Variants in SYNM observed in about 807,000 individuals in gnomAD.
SYNM encodes the protein desmuslin.
A neutral mutation model predicts 104.0 loss-of-function variants in SYNM; 95 were observed. The ratio of observed to expected loss-of-function variants is 0.91; its 90% CI spans 0.77 to 1.08. SYNM has a LOEUF of 1.08. SYNM is among the 50% of genes least tolerant of loss of function. The pLI is 0.00. For missense variants in SYNM, 2,150 were observed against 2,052.2 expected, an observed-to-expected ratio of 1.05 and a Z score of -0.92; for synonymous variants, 918 against 869.0, an observed-to-expected ratio of 1.06 and a Z score of -0.99.
chr15:99,115,904 T>TA (rs1166673295), intron 2 of SYNM, among the ~76,000 whole-genome samples: 1 of 152,248 alleles, frequency 6.6e-6, no homozygotes, highest in African/African-American at 2.4e-5. Flanking sequence ...CTGGAAGACT[T>TA]ACATCAGCCA....
chr15:99,119,579 G>A (rs550342729), intron 2 of SYNM, among the ~76,000 whole-genome samples: 6 of 152,258 alleles, frequency 3.9e-5, no homozygotes, highest in South Asian at 2.1e-4. Context: ...AGTTGCATGC[G>A]GCAGTCCCCT....
In SYNM at chr15:99,114,351, G is replaced by A. The variant is rs1399551224; in HGVS notation, c.935+636G>A. 4.6e-5 allele frequency among the ~76,000 whole-genome samples: 7 copies of A among 152,022 alleles called. No individual in the cohort carries two copies. The East Asian group carries it at 9.7e-4, about 21-fold the overall frequency. ...ACTCACTCCCTATCATGAGAACAGC[G>A]TGGGGAAAATTGCTCCCATGATCCA... On this transcript the variant is annotated intron_variant, in intron 2 of 3. Transcript: ENST00000336292.
chr15:99,131,560 G>C lies in SYNM; in HGVS notation c.3200G>C (p.Arg1067Pro), dbSNP rs5030698. Reference sequence around the variant, plus strand: ...CCGGCTGCTGGCATTCGCTTTAGGCGTTGGGCCACCCGGGAGCTGTACATC... The same window carrying C: ...CCGGCTGCTGGCATTCGCTTTAGGCCTTGGGCCACCCGGGAGCTGTACATC... ...EAPAAGIRFR[R>P]WATRELYIPS... The change falls in exon 4 of 4, where the codon CGT becomes CCT. Residue 1067 changes from arginine (R) to proline (P), a missense_variant. Coordinates refer to ENST00000336292, the MANE Select transcript of SYNM (RefSeq NM_145728.3). This position sits in a 1 kb window ranked among gnomAD's most constrained non-coding sequence, Gnocchi z 4.3. The C allele has an allele frequency of 0.06, 95,764 of 1,608,826 alleles. 3,131 individuals are homozygous for C. Among genetic ancestry groups the C allele is most frequent in the Non-Finnish European group, 0.065 (76,186 of 1,179,586 alleles).
downstream of SYNM, chr15:99,135,655 TA>T (rs2067565017): frequency 6.6e-6 from 1 of 152,560 alleles, no homozygotes; most frequent in African/African-American, 2.4e-5. Context: ...AAACTCTAAG[TA>T]AAGAATCTGT....
intron 1 of SYNM, among the ~76,000 whole-genome samples, chr15:99,110,275 C>T (rs538771419): frequency 4.5e-4 from 69 of 152,306 alleles, no homozygotes; most frequent in Non-Finnish European, 6.6e-4. Flanking sequence ...AAATGCTCAA[C>T]GGCTGGTAGT....
At position 99,105,089 on chromosome 15, in the gene SYNM, G is replaced by C; in HGVS notation, c.-111G>C. On this transcript the variant is annotated 5_prime_UTR_variant, in exon 1 of 4. Transcript: ENST00000336292. ...CTCCCGCTCGCGTCCCAGTCTGCGG[G>C]CCTCCGGGGCAGCGGCGAGGCCGGA... 1 of 1,267,044 alleles carries C rather than the reference G, an allele frequency of 7.9e-7. No individual in the cohort carries two copies. Among genetic ancestry groups the C allele is most frequent in the Non-Finnish European group, 1.1e-6 (1 of 939,598 alleles). The allele number at this position is 1,267,044 out of a possible 1,614,324, so 78.5% of individuals were successfully genotyped here. A position where few individuals can be genotyped will look rare whatever the true frequency, so the allele number is the denominator to read the frequency against.
intron 2 of SYNM, among the ~76,000 whole-genome samples, chr15:99,118,741 C>A (rs907251469): frequency 6.6e-6 from 1 of 152,138 alleles, no homozygotes; most frequent in Non-Finnish European, 1.5e-5. Context: ...TAAAACAAAG[C>A]AAACCTCCAA....
Position 99,113,697 on chromosome 15 carries a change from T to G in SYNM, c.917T>G (p.Leu306Arg). The part of the protein sequence containing the change: ...DLLQVKTGLS[L>R]EVATYRALLE... ...CTGCAGGTGAAGACCGGCCTCAGTC[T>G]GGAGGTGGCGACCTACCGGTAAGGA... Residue 306 changes from leucine to arginine, a missense_variant, in exon 2 of 4, where the codon CTG becomes CGG. Transcript: ENST00000336292. 6.2e-7 allele frequency: 1 copy of G among 1,613,484 alleles called. No individual in the cohort carries two copies. The highest frequency in any genetic ancestry group is 8.5e-7 in the Non-Finnish European group (1 of 1,179,692).
downstream of SYNM, chr15:99,139,625 ACTAT>A: frequency 6.6e-7 from 1 of 1,513,920 alleles, no homozygotes; most frequent in Non-Finnish European, 8.9e-7. Flanking sequence ...ACTCTCTGTG[ACTAT>A]CTGTATGCAA....
In SYNM at chr15:99,131,215, T is replaced by C. The variant is rs374434761; in HGVS notation, c.2855T>C (p.Val952Ala). The part of the protein sequence containing the change: ...SKEPRQQLVE[V>A]IGQLEETLPE... ...GAGCCCCGGCAGCAGCTGGTGGAGG[T>C]CATCGGGCAGCTGGAGGAAACCCTT... Residue 952 changes from valine (V) to alanine (A), a missense_variant, in exon 4 of 4, where the codon GTC becomes GCC. Physicochemically the swap from Val to Ala is moderately conservative, Grantham distance 64. Coordinates refer to ENST00000336292, the MANE Select transcript of SYNM (RefSeq NM_145728.3). This position sits in a 1 kb window ranked among gnomAD's most constrained non-coding sequence, Gnocchi z 4.3. 1 of 1,608,596 alleles carries C rather than the reference T, an allele frequency of 6.2e-7. No homozygotes were observed. Among genetic ancestry groups the C allele is most frequent in the African/African-American group, 1.3e-5 (1 of 74,852 alleles).
Position 99,130,487 on chromosome 15 carries a change from C to G in SYNM, c.2127C>G (p.Ser709Arg), listed in dbSNP as rs185740384. ...AAGCTGGCCTGGACTACCTTTTAAG[C>G]AAGGATATTAAGGAAGTGGGGCTGA... ...SDEAGLDYLL[S>R]KDIKEVGLKG... Residue 709 changes from serine (S) to arginine (R), a missense_variant, in exon 4 of 4, where the codon AGC (serine) becomes AGG (arginine). Transcript: ENST00000336292. The G allele has an allele frequency of 6.2e-7, 1 of 1,613,780 alleles. No individual in the cohort carries two copies. The highest frequency in any genetic ancestry group is 8.5e-7 in the Non-Finnish European group (1 of 1,179,864).
rs887556955 is a variant in SYNM, at chr15:99,131,957, A to G, written c.3597A>G (p.Ala1199=). The part of the protein sequence containing the change: ...FLGPAPACPE[A]WGSPEPGPAE... ...GCCCTGCCCCTGCCTGTCCAGAGGC[A>G]TGGGGCTCGCCAGAACCTGGCCCAG... The change falls in exon 4 of 4, where the codon GCA becomes GCG. Residue 1199 remains alanine, a synonymous_variant. Transcript: ENST00000336292. This position sits in a 1 kb window ranked among gnomAD's most constrained non-coding sequence, Gnocchi z 4.3. 1 of 1,613,672 alleles carries G rather than the reference A, an allele frequency of 6.2e-7. No individual in the cohort carries two copies. Among genetic ancestry groups the G allele is most frequent in the Non-Finnish European group, 8.5e-7 (1 of 1,179,870 alleles).
At position 99,130,469 on chromosome 15, in the gene SYNM, C is replaced by T; in HGVS notation, c.2109C>T (p.Gly703=). The part of the protein sequence containing the change: ...TEDVDVSDEA[G]LDYLLSKDIK... ...ATGTTGATGTTTCCGATGAAGCTGG[C>T]CTGGACTACCTTTTAAGCAAGGATA... Residue 703 remains glycine (G), a synonymous_variant, in exon 4 of 4, where the codon GGC becomes GGT. Coordinates refer to ENST00000336292, the MANE Select transcript of SYNM (RefSeq NM_145728.3). 1 of 1,613,830 alleles carries T rather than the reference C, an allele frequency of 6.2e-7. No individual in the cohort carries two copies.
At chr15:99,129,198 C>A in intron 3 of SYNM, 169 bp from the exon 4 acceptor site, 2 of 1,008,946 alleles carry the variant, frequency 2.0e-6, no homozygotes, top group Non-Finnish European at 2.8e-6. Context: ...TTGTAAACTG[C>A]CAAAAAATAA....
In SYNM at chr15:99,130,298, C is replaced by G. The variant is rs2067487879; in HGVS notation, c.1938C>G (p.Ile646Met). The change falls in exon 4 of 4, where the codon ATC becomes ATG. Residue 646 changes from isoleucine to methionine, a missense_variant. By Grantham distance (10) the Ile-to-Met change is conservative. Transcript: ENST00000336292. ...TAGCAGAAAACATCGTTACCAGTATCCTGAAGCAGTTCACTCAGTCTCCAG... is the reference window on the plus strand; with the variant it reads ...TAGCAGAAAACATCGTTACCAGTATGCTGAAGCAGTTCACTCAGTCTCCAG... Reference protein sequence around the residue: ...ETVAENIVTSILKQFTQSPET... With the variant: ...ETVAENIVTSMLKQFTQSPET... 2 of 1,613,914 alleles carry G rather than the reference C, an allele frequency of 1.2e-6. No homozygotes were observed. Among genetic ancestry groups the G allele is most frequent in the African/African-American group, 1.3e-5 (1 of 75,022 alleles).
chr15:99,114,684 G>GGCTGGGT (rs1567276281), intron 2 of SYNM, among the ~76,000 whole-genome samples: 1 of 152,078 alleles, frequency 6.6e-6, no homozygotes, highest in South Asian at 2.1e-4. Flanking sequence ...CGCTCAAAGG[G>GGCTGGGT]GCTGGGTGCT....
chr15:99,132,912 G>C lies in SYNM; in HGVS notation c.4552G>C (p.Glu1518Gln), dbSNP rs369093149. ...TGGGGAAGGAGACCAGGCCCACAGA[G>C]AACAGGGCAAGGAGCAGGCCATGTT... Reference protein sequence around the residue: ...SAGEGDQAHREQGKEQAMFDK... With the variant: ...SAGEGDQAHRQQGKEQAMFDK... The change falls in exon 4 of 4, where the codon GAA becomes CAA. Residue 1518 changes from glutamate to glutamine, a missense_variant. By Grantham distance (29) the Glu-to-Gln change is conservative (BLOSUM62 2). Coordinates refer to ENST00000336292, the MANE Select transcript of SYNM (RefSeq NM_145728.3). 1.4e-4 allele frequency: 233 copies of C among 1,613,856 alleles called. No homozygotes were observed. The highest frequency in any genetic ancestry group is 1.9e-4 in the Non-Finnish European group (224 of 1,179,904).
At chr15:99,110,502 C>T (rs192690485) in intron 1 of SYNM, among the ~76,000 whole-genome samples, 8 of 152,308 alleles carry the variant, frequency 5.3e-5, no homozygotes, top group Admixed American at 2.6e-4. Flanking sequence ...AATACTTCGT[C>T]GGCATCCAGT....
intron 2 of SYNM, among the ~76,000 whole-genome samples, chr15:99,123,534 G>C (rs148132162): frequency 6.6e-6 from 1 of 152,180 alleles, no homozygotes; most frequent in Non-Finnish European, 1.5e-5. Context: ...CCCGGTGACT[G>C]ACCAGCCACG....
Sources: allele counts gnomAD v4.1 joint callset (sites outside exome capture counted in the v4.1 genomes callset), GRCh38; gene constraint gnomAD v4.1.1; non-coding constraint Gnocchi (gnomAD v3.1); transcripts MANE v1.5; gene names NCBI Gene and HGNC (gene_info 2026-07-23, HGNC 2026-07-21).